The following CDH12 variants were observed in gnomAD, a reference collection of about 807,000 sequenced individuals.
The protein encoded by CDH12 is cadherin-12.
Under a neutral mutation model 74.1 loss-of-function variants are expected in CDH12, and 41 were observed. The observed-to-expected ratio is 0.55, with a 90% CI of 0.43 to 0.72. CDH12 has a LOEUF of 0.72. Ranked by LOEUF, CDH12 falls within the 30% of genes least tolerant of loss-of-function variation. The probability of loss-of-function intolerance (pLI) is 0.00; values close to 1 mark genes in which losing one functional copy is unlikely to be tolerated. For synonymous variants in CDH12, 399 were observed against 355.0 expected (o/e 1.12, Z -1.39); for missense variants, 945 against 977.2 (o/e 0.97, Z 0.44).
intron 10 of CDH12, among the ~76,000 whole-genome samples, chr5:21,790,896 A>G (rs1746457849): frequency 1.3e-5 from 2 of 152,052 alleles, no homozygotes; most frequent in Admixed American, 1.3e-4. Flanking sequence ...CGTACAGTAC[A>G]AACCATAAAC....
At chr5:22,214,220 C>A (rs953403155) in intron 3 of CDH12, among the ~76,000 whole-genome samples, 6 of 152,104 alleles carry the variant, frequency 3.9e-5, no homozygotes, top group Admixed American at 3.9e-4. Flanking sequence ...AAAACGGAGA[C>A]GGCCCTGCAG....
intron 6 of CDH12, chr5:21,889,727 T>C (rs1437861846): frequency 2.0e-6 from 2 of 985,036 alleles, no homozygotes; most frequent in South Asian, 9.4e-5. Flanking sequence ...CAAAACAATA[T>C]ATGGGGTTTT....
At chr5:22,256,043 T>C (rs1753303621) in intron 3 of CDH12, among the ~76,000 whole-genome samples, 2 of 152,134 alleles carry the variant, frequency 1.3e-5, no homozygotes, top group African/African-American at 4.8e-5. Flanking sequence ...ATTATCACTA[T>C]TGTATTATTG....
intron 3 of CDH12, among the ~76,000 whole-genome samples, chr5:22,285,446 A>G (rs1737092206): frequency 6.6e-6 from 1 of 152,118 alleles, no homozygotes. Context: ...CTCTGTAAAT[A>G]ATTGATTGAT....
intron 2 of CDH12, among the ~76,000 whole-genome samples, chr5:22,487,521 G>A (rs1197916957): frequency 2.0e-5 from 3 of 152,016 alleles, no homozygotes; most frequent in African/African-American, 7.2e-5. Flanking sequence ...GGCACAAAAA[G>A]TAATAGATAC....
Position 21,783,362 on chromosome 5 carries a change from T to G in CDH12, c.1389A>C (p.Lys463Asn). ...TTCTGTCCATGCCATACTTACTAAC[T>G]TTACTCGCAATTATGGAGAAATTAT... ...AQYNFSIIAS[K>N]VSNPLLTSKV... The change falls in exon 11 of 15, where the codon AAA becomes AAC. Residue 463 changes from lysine (K) to asparagine (N), a missense_variant. Physicochemically the swap from Lys to Asn is moderately conservative, Grantham distance 94. Around this residue, in one of 3 missense-constraint regions of CDH12, gnomAD observed 791 missense variants for 792.8 expected, o/e 1.00. Coordinates refer to ENST00000382254, the MANE Select transcript of CDH12 (RefSeq NM_004061.5). The G allele has an allele frequency of 6.2e-7, 1 of 1,612,602 alleles. No homozygotes were observed. Among genetic ancestry groups the G allele is most frequent in the East Asian group, 2.2e-5 (1 of 44,810 alleles).
chr5:22,269,984 ATAATTACATACATAT>A (rs1736312153), intron 3 of CDH12, among the ~76,000 whole-genome samples: 1 of 152,208 alleles, frequency 6.6e-6, no homozygotes, highest in South Asian at 2.1e-4. Flanking sequence ...TTTGATATGG[ATAATTACATACATAT>A]TAATGTATTT....
intron 3 of CDH12, among the ~76,000 whole-genome samples, chr5:22,263,288 A>G (rs1753589559): frequency 6.6e-6 from 1 of 152,130 alleles, no homozygotes; most frequent in Non-Finnish European, 1.5e-5. Flanking sequence ...CTGTAAGGCA[A>G]CTATTTTGAA....
At chr5:22,572,993 A>C (rs1739612612) in intron 1 of CDH12, among the ~76,000 whole-genome samples, 2 of 152,196 alleles carry the variant, frequency 1.3e-5, no homozygotes, top group Non-Finnish European at 1.5e-5. Flanking sequence ...ATTTTAAAAA[A>C]TTGAGTAATG....
intron 5 of CDH12, among the ~76,000 whole-genome samples, chr5:21,979,030 A>G (rs1757192077): frequency 6.6e-6 from 1 of 152,146 alleles, no homozygotes; most frequent in South Asian, 2.1e-4. Context: ...AGTCTTTTCC[A>G]TATTTTTGGG....
chr5:21,944,681 T>C (rs1023790879), intron 6 of CDH12, among the ~76,000 whole-genome samples: 1 of 152,196 alleles, frequency 6.6e-6, no homozygotes. Context: ...TTCCAACTCC[T>C]ACTCCTTGGA....
At chr5:22,815,177 T>A (rs1267369287) in intron 1 of CDH12, among the ~76,000 whole-genome samples, 1 of 152,084 alleles carries the variant, frequency 6.6e-6, no homozygotes. Flanking sequence ...GGGGACAAGA[T>A]GTAACTCACC....
chr5:22,692,384 T>A (rs1742128573), intron 1 of CDH12, among the ~76,000 whole-genome samples: 1 of 152,222 alleles, frequency 6.6e-6, no homozygotes, highest in Non-Finnish European at 1.5e-5. Flanking sequence ...TTCAACTACA[T>A]GCCTCCATGG....
chr5:22,402,491 A>G (rs1041278255), intron 3 of CDH12, among the ~76,000 whole-genome samples: 2 of 152,220 alleles, frequency 1.3e-5, no homozygotes, highest in African/African-American at 4.8e-5. Flanking sequence ...CAAGACTTGC[A>G]AGGTTAAACT....
chr5:22,465,002 AAG>A (rs143430300), intron 2 of CDH12, among the ~76,000 whole-genome samples: 151 of 130,490 alleles, frequency 1.2e-3, no homozygotes, highest in Middle Eastern at 3.9e-3. Context: ...CTGTGTTAAA[AAG>A]AGAGAGAGAG....
At chr5:22,274,897 G>A (rs926304332) in intron 3 of CDH12, among the ~76,000 whole-genome samples, 5 of 152,022 alleles carry the variant, frequency 3.3e-5, no homozygotes, top group East Asian at 1.9e-4. Context: ...GTTAAATTTC[G>A]GGTGTCTTTT....
intron 8 of CDH12, among the ~76,000 whole-genome samples, chr5:21,839,250 T>G (rs1237796489): frequency 6.6e-6 from 1 of 152,170 alleles, no homozygotes; most frequent in Non-Finnish European, 1.5e-5. Flanking sequence ...TTTTTCCTGT[T>G]TTCCTTAATA....
chr5:22,520,471 A>G (rs1737004510), intron 1 of CDH12, among the ~76,000 whole-genome samples: 1 of 152,148 alleles, frequency 6.6e-6, no homozygotes, highest in South Asian at 2.1e-4. Context: ...CCTAAAGAAC[A>G]CTTATGGAGG....
At chr5:22,813,990 G>T (rs957926281) in intron 1 of CDH12, among the ~76,000 whole-genome samples, 2 of 151,856 alleles carry the variant, frequency 1.3e-5, no homozygotes, top group Non-Finnish European at 2.9e-5. Context: ...CACTGCTAAG[G>T]GAAAATAGGC....
Sources: allele counts gnomAD v4.1 joint callset (sites outside exome capture counted in the v4.1 genomes callset), GRCh38; gene constraint gnomAD v4.1.1; regional missense constraint gnomAD v4.1.1; transcripts MANE v1.5; gene names NCBI Gene and HGNC (gene_info 2026-07-23, HGNC 2026-07-21).